GJB5: variants seen among roughly 807,000 people sequenced by gnomAD.
GJB5 encodes gap junction beta-5 protein.
For synonymous variants in GJB5, 146 were observed against 145.5 expected (o/e 1.00, Z -0.02); for missense variants, 333 against 357.9 (o/e 0.93, Z 0.56).
chr1:34,756,849 G>A (rs1190126460), intron 1 of GJB5, among the ~76,000 whole-genome samples: 1 of 152,196 alleles, frequency 6.6e-6, no homozygotes, highest in African/African-American at 2.4e-5. Flanking sequence ...GGTTCCCCTG[G>A]GGAAGGGGCT....
In GJB5 at chr1:34,758,027, G is replaced by A. The variant is rs373605298; in HGVS notation, c.697G>A (p.Gly233Ser). 80 of 1,613,834 alleles carry A rather than the reference G, an allele frequency of 5.0e-5. No individual in the cohort carries two copies. Among genetic ancestry groups the A allele is most frequent in the South Asian group, 1.5e-4 (14 of 91,074 alleles). Residue 233 changes from glycine to serine, a missense_variant, in exon 2 of 2, where the codon GGT becomes AGT. Transcript: ENST00000338513. Reference sequence around the variant, plus strand: ...CATGTGCACAGGTCATCACCCCCACGGTACCACCTCTTCCTGCAAACAAGA... The same window carrying A: ...CATGTGCACAGGTCATCACCCCCACAGTACCACCTCTTCCTGCAAACAAGA... ...QAMCTGHHPH[G>S]TTSSCKQDDL...
chr1:34,757,483 C>T lies in GJB5; in HGVS notation c.153C>T (p.Phe51=), dbSNP rs776411940. Residue 51 remains phenylalanine (F), a synonymous_variant, in exon 2 of 2, where the codon TTC becomes TTT. Coordinates refer to ENST00000338513, the MANE Select transcript of GJB5 (RefSeq NM_005268.4). ...TGTGGAGTGATGACCACAAGGACTT[C>T]GACTGCAATACTCGCCAGCCCGGCT... is the stretch of plus-strand genomic sequence containing the variant. ...ERVWSDDHKD[F]DCNTRQPGCS... The T allele has an allele frequency of 3.2e-5, 51 of 1,613,960 alleles. No individual in the cohort carries two copies. In the East Asian group the frequency reaches 4.7e-4, roughly 15 times the overall value.
Position 34,758,052 on chromosome 1 carries a change from A to T in GJB5, c.722A>T (p.Asp241Val), listed in dbSNP as rs964982328. ...GGTACCACCTCTTCCTGCAAACAAG[A>T]CGACCTCCTTTCGGGTGACCTCATC... ...PHGTTSSCKQ[D>V]DLLSGDLIFL... The change falls in exon 2 of 2, where the codon GAC becomes GTC. Residue 241 changes from aspartate (D) to valine (V), a missense_variant. Coordinates refer to ENST00000338513, the MANE Select transcript of GJB5 (RefSeq NM_005268.4). 1 of 1,613,870 alleles carries T rather than the reference A, an allele frequency of 6.2e-7. No homozygotes were observed.
chr1:34,755,731 C>T (rs1401934668), intron 1 of GJB5, among the ~76,000 whole-genome samples: 1 of 152,192 alleles, frequency 6.6e-6, no homozygotes, highest in Non-Finnish European at 1.5e-5. Context: ...AACAGGCAGG[C>T]AGCTCATTGA....
chr1:34,757,905 C>T lies in GJB5; in HGVS notation c.575C>T (p.Ala192Val). Reference protein sequence around the residue: ...EKNIFTLFMVATAAICILLNL... With the variant: ...EKNIFTLFMVVTAAICILLNL... ...AACATTTTCACCCTCTTCATGGTGG[C>T]CACAGCTGCCATCTGCATCCTGCTC... Residue 192 changes from alanine to valine, a missense_variant, in exon 2 of 2, where the codon GCC becomes GTC. Physicochemically the swap from Ala to Val is moderately conservative, Grantham distance 64. Transcript: ENST00000338513. The T allele has an allele frequency of 6.2e-7, 1 of 1,613,974 alleles. No individual in the cohort carries two copies. Among genetic ancestry groups the T allele is most frequent in the Non-Finnish European group, 8.5e-7 (1 of 1,179,962 alleles).
At position 34,757,800 on chromosome 1, in the gene GJB5, T is replaced by A. The variant is rs1392456089; in HGVS notation, c.470T>A (p.Ile157Asn). The A allele has an allele frequency of 6.2e-7, 1 of 1,613,724 alleles. No individual in the cohort carries two copies. Among genetic ancestry groups the A allele is most frequent in the Admixed American group, 1.7e-5 (1 of 59,988 alleles). The change falls in exon 2 of 2, where the codon ATC becomes AAC. Residue 157 changes from isoleucine to asparagine, a missense_variant. Transcript: ENST00000338513. Reference protein sequence around the residue: ...YVFHSFYPKYILPPVVKCHAD... With the variant: ...YVFHSFYPKYNLPPVVKCHAD... Reference sequence around the variant, plus strand: ...TTCCACTCATTCTACCCCAAATATATCCTCCCTCCTGTGGTCAAGTGCCAC... The same window carrying A: ...TTCCACTCATTCTACCCCAAATATAACCTCCCTCCTGTGGTCAAGTGCCAC...
intron 1 of GJB5, among the ~76,000 whole-genome samples, chr1:34,755,760 G>C (rs115972237): frequency 0.02 from 3,039 of 152,312 alleles, 50 homozygotes; most frequent in South Asian, 0.036. Flanking sequence ...GAAAGGGTCT[G>C]AGGCCTAAGG....
intron 1 of GJB5, among the ~76,000 whole-genome samples, chr1:34,756,700 C>T (rs1245892699): frequency 2.0e-5 from 2 of 98,306 alleles, no homozygotes; most frequent in Non-Finnish European, 3.9e-5. Flanking sequence ...CTTTAGCTTT[C>T]AGCTGGATTG....
Position 34,757,647 on chromosome 1 carries a change from G to T in GJB5, c.317G>T (p.Arg106Leu). ...CGGGAGGTTCAGGAGAAGAGGCACC[G>T]AGAAGCCCATGGGGAGAACAGTGGG... ...AYREVQEKRH[R>L]EAHGENSGRL... The change falls in exon 2 of 2, where the codon CGA becomes CTA. Residue 106 changes from arginine to leucine, a missense_variant. Physicochemically the swap from Arg to Leu is moderately radical, Grantham distance 102 (BLOSUM62 -2). Coordinates refer to ENST00000338513, the MANE Select transcript of GJB5 (RefSeq NM_005268.4). 6.2e-7 allele frequency: 1 copy of T among 1,614,024 alleles called. No homozygotes were observed. The highest frequency in any genetic ancestry group is 1.7e-5 in the Admixed American group (1 of 60,016).
chr1:34,756,480 G>C (rs555903081), intron 1 of GJB5, among the ~76,000 whole-genome samples: 1 of 152,336 alleles, frequency 6.6e-6, no homozygotes, highest in East Asian at 1.9e-4. Flanking sequence ...GAATTTATTA[G>C]TGAGTTTATT....
At chr1:34,755,532 T>C (rs1639564932) in intron 1 of GJB5, among the ~76,000 whole-genome samples, 1 of 152,224 alleles carries the variant, frequency 6.6e-6, no homozygotes, top group Non-Finnish European at 1.5e-5. Flanking sequence ...GAGTCCTACC[T>C]TAGACAGGAC....
At position 34,757,561 on chromosome 1, in the gene GJB5, G is replaced by T. The variant is rs775714609; in HGVS notation, c.231G>T (p.Trp77Cys). The T allele has an allele frequency of 1.2e-6, 2 of 1,613,980 alleles. No individual in the cohort carries two copies. The highest frequency in any genetic ancestry group is 8.5e-7 in the Non-Finnish European group (1 of 1,180,020). The stretch of plus-strand genomic sequence containing the variant: ...TCCCTGTGTCCCATGTGCGCCTCTG[G>T]GCCCTGCAGCTTATCCTGGTGACAT... Reference protein sequence around the residue: ...EFFPVSHVRLWALQLILVTCP... With the variant: ...EFFPVSHVRLCALQLILVTCP... The change falls in exon 2 of 2, where the codon TGG (tryptophan) becomes TGT (cysteine). Residue 77 changes from tryptophan (W) to cysteine (C), a missense_variant. Trp to Cys is a radical substitution (Grantham distance 215). Transcript: ENST00000338513.
In GJB5 at chr1:34,757,523, T is replaced by A. The variant is rs746367299; in HGVS notation, c.193T>A (p.Phe65Ile). 8 of 1,614,048 alleles carry A rather than the reference T, an allele frequency of 5.0e-6. No homozygotes were observed. In the Admixed American group the frequency reaches 1.3e-4, roughly 27 times the overall value. Residue 65 changes from phenylalanine (F) to isoleucine (I), a missense_variant, in exon 2 of 2, where the codon TTT (phenylalanine) becomes ATT (isoleucine). Transcript: ENST00000338513. ...CCAGCCCGGCTGCTCCAACGTCTGC[T>A]TTGATGAGTTCTTCCCTGTGTCCCA... ...TRQPGCSNVC[F>I]DEFFPVSHVR...
Position 34,758,097 on chromosome 1 carries a change from A to G in GJB5, c.767A>G (p.His256Arg), listed in dbSNP as rs1276947321. The change falls in exon 2 of 2, where the codon CAT (histidine) becomes CGT (arginine). Residue 256 changes from histidine to arginine, a missense_variant. By Grantham distance (29) the His-to-Arg change is conservative. Coordinates refer to ENST00000338513, the MANE Select transcript of GJB5 (RefSeq NM_005268.4). ...CTCATCTTTCTGGGCTCAGACAGTC[A>G]TCCTCCTCTCTTACCAGACCGCCCC... ...GDLIFLGSDS[H>R]PPLLPDRPRD... 1.2e-6 allele frequency: 2 copies of G among 1,613,890 alleles called. No homozygotes were observed. Among genetic ancestry groups the G allele is most frequent in the Admixed American group, 3.3e-5 (2 of 59,986 alleles).
In GJB5 at chr1:34,757,383, C is replaced by A. The variant is rs922289986; in HGVS notation, c.53C>A (p.Thr18Lys). The A allele has an allele frequency of 1.2e-6, 2 of 1,614,110 alleles. No homozygotes were observed. Among genetic ancestry groups the A allele is most frequent in the Non-Finnish European group, 1.7e-6 (2 of 1,180,042 alleles). ...CTGAGTGGGGTCAACAAGTACTCCA[C>A]AGCCTTTGGGCGCATCTGGCTGTCT... Reference protein sequence around the residue: ...GLLSGVNKYSTAFGRIWLSLV... With the variant: ...GLLSGVNKYSKAFGRIWLSLV... The change falls in exon 2 of 2, where the codon ACA (threonine) becomes AAA (lysine). Residue 18 changes from threonine (T) to lysine (K), a missense_variant. Thr to Lys is a moderately conservative substitution (Grantham distance 78, BLOSUM62 -1). Transcript: ENST00000338513.
rs192596191 is a variant in GJB5 at position 34,757,531 on chromosome 1, G to T, written c.201G>T (p.Glu67Asp). 1 of 1,614,166 alleles carries T rather than the reference G, an allele frequency of 6.2e-7. No individual in the cohort carries two copies. The highest frequency in any genetic ancestry group is 8.5e-7 in the Non-Finnish European group (1 of 1,180,028). The change falls in exon 2 of 2, where the codon GAG (glutamate) becomes GAT (aspartate). Residue 67 changes from glutamate (E) to aspartate (D), a missense_variant. Physicochemically the swap from Glu to Asp is conservative, Grantham distance 45. Transcript: ENST00000338513. Reference protein sequence around the residue: ...QPGCSNVCFDEFFPVSHVRLW... With the variant: ...QPGCSNVCFDDFFPVSHVRLW... ...GCTGCTCCAACGTCTGCTTTGATGA[G>T]TTCTTCCCTGTGTCCCATGTGCGCC... is the stretch of plus-strand genomic sequence containing the variant.
At position 34,758,171 on chromosome 1, in the gene GJB5, CTGGCAGGTTGGGCCTGGA is replaced by C. The variant is rs777003207; in HGVS notation, c.*23_*40del. 6.2e-6 allele frequency: 10 copies of C among 1,600,360 alleles called. No homozygotes were observed. In the Admixed American group the frequency reaches 1.7e-4, roughly 27 times the overall value. On this transcript the variant is annotated 3_prime_UTR_variant, in exon 2 of 2. Transcript: ENST00000338513. ...CTTGTGAGGGGCTGCCTGGACTGGT[CTGGCAGGTTGGGCCTGGA>C]TGGGGAGGCTCTAGCATCTCTCATA...
rs759366017 is a variant in GJB5 at position 34,758,123 on chromosome 1, C to T, written c.793C>T (p.Arg265Ter). The change falls in exon 2 of 2, where the codon CGA (arginine) becomes TGA (stop). Residue 265 changes from arginine (R) to a stop codon, truncating the protein, a stop_gained. Transcript: ENST00000338513. LOFTEE classifies it high-confidence loss of function. ...SHPPLLPDRP[R>*]DHVKKTIL ...TCCTCCTCTCTTACCAGACCGCCCCCGAGACCATGTGAAGAAAACCATCTT... is the reference window on the plus strand; with the variant it reads ...TCCTCCTCTCTTACCAGACCGCCCCTGAGACCATGTGAAGAAAACCATCTT... 9.3e-6 allele frequency: 15 copies of T among 1,613,866 alleles called. No individual in the cohort carries two copies. The highest frequency in any genetic ancestry group is 5.0e-5 in the Admixed American group (3 of 59,992).
rs530930861 is a variant in GJB5 at position 34,755,605 on chromosome 1, A to AT, written c.-25+411dup. Among the ~76,000 whole-genome samples the AT allele has an allele frequency of 4.2e-3, 570 of 135,398 alleles. 1 individual carries two copies. The highest frequency in any genetic ancestry group is 0.014 in the African/African-American group (519 of 37,238). The allele number at this position is 135,398 out of a possible 152,430, so 88.8% of individuals were successfully genotyped here. On this transcript the variant is annotated intron_variant, in intron 1 of 1. Coordinates refer to ENST00000338513, the MANE Select transcript of GJB5 (RefSeq NM_005268.4). The stretch of plus-strand genomic sequence containing the variant: ...CCAACCCCGGCCCCCACCTCCACCC[A>AT]TCCCCCGTCCAAGTGGCGCAGGTGG...
Sources: allele counts gnomAD v4.1 joint callset (sites outside exome capture counted in the v4.1 genomes callset), GRCh38; gene constraint gnomAD v4.1.1; transcripts MANE v1.5; gene names NCBI Gene and HGNC (gene_info 2026-07-23, HGNC 2026-07-21).